Variants in CDH13 observed in about 807,000 individuals in gnomAD.
CDH13 encodes cadherin-13.
A neutral mutation model predicts 63.8 loss-of-function variants in CDH13; 24 were observed. The ratio of observed to expected loss-of-function variants is 0.38; its 90% CI spans 0.27 to 0.53. The LOEUF is 0.53. Among genes scored for constraint, CDH13 ranks in the 20% least tolerant of loss-of-function variants. The pLI is 0.85. For missense variants in CDH13, 1,049 were observed against 903.1 expected, an observed-to-expected ratio of 1.16 and a Z score of -2.07; for synonymous variants, 503 against 355.3, an observed-to-expected ratio of 1.42 and a Z score of -4.67.
Position 83,046,392 on chromosome 16 carries a change from A to G in CDH13, c.366+14174A>G, listed in dbSNP as rs532947405. ...CCAGCAGAAAACCAATTTGGCAAAC[A>G]CTTATTTTTCTTTCTCTATCACACA... On this transcript the variant is annotated intron_variant, in intron 3 of 13. Coordinates refer to ENST00000567109, the MANE Select transcript of CDH13 (RefSeq NM_001257.5). Among the ~76,000 whole-genome samples the G allele has an allele frequency of 1.2e-4, 19 of 152,334 alleles. No individual in the cohort carries two copies. In the South Asian group the frequency reaches 3.5e-3, roughly 28 times the overall value.
intron 5 of CDH13, among the ~76,000 whole-genome samples, chr16:83,222,529 T>C (rs1355108639): frequency 1.3e-5 from 2 of 152,198 alleles, no homozygotes; most frequent in Non-Finnish European, 2.9e-5. Context: ...TATAAAAACG[T>C]TCATGTTATG....
chr16:82,917,316 G>A (rs1254438671), intron 2 of CDH13, among the ~76,000 whole-genome samples: 2 of 152,154 alleles, frequency 1.3e-5, no homozygotes, highest in Non-Finnish European at 2.9e-5. Context: ...TCAGGAAGGT[G>A]CCCTAGTTTT....
At chr16:83,167,871 TA>T (rs745337483) in intron 4 of CDH13, among the ~76,000 whole-genome samples, 1 of 151,558 alleles carries the variant, frequency 6.6e-6, no homozygotes, top group South Asian at 2.1e-4. Context: ...CATGCAGCCA[TA>T]AAAAAATAAA....
At chr16:82,900,921 C>T (rs934435255) in intron 2 of CDH13, among the ~76,000 whole-genome samples, 1 of 152,184 alleles carries the variant, frequency 6.6e-6, no homozygotes, top group African/African-American at 2.4e-5. Flanking sequence ...AAATCCCAAG[C>T]ACTAAATCCC....
chr16:83,322,385 G>A (rs2090250474), intron 5 of CDH13, among the ~76,000 whole-genome samples: 1 of 152,178 alleles, frequency 6.6e-6, no homozygotes, highest in African/African-American at 2.4e-5. Flanking sequence ...TATTACTGTG[G>A]TCTTATTTCT....
At chr16:83,649,623 A>G (rs765845472) in intron 8 of CDH13, among the ~76,000 whole-genome samples, 1 of 152,156 alleles carries the variant, frequency 6.6e-6, no homozygotes, top group Non-Finnish European at 1.5e-5. Flanking sequence ...ACTGGAGTTC[A>G]CTTTGAGCAG....
At chr16:83,467,607 C>T (rs16960566) in intron 6 of CDH13, among the ~76,000 whole-genome samples, 4,059 of 152,228 alleles carry the variant, frequency 0.027, 186 homozygotes, top group African/African-American at 0.092. Context: ...AAGAAACTGA[C>T]GCTGAAACTT....
intron 6 of CDH13, among the ~76,000 whole-genome samples, chr16:83,421,637 T>G (rs1353794998): frequency 2.0e-5 from 3 of 151,436 alleles, no homozygotes; most frequent in Non-Finnish European, 4.4e-5. Flanking sequence ...CTTCTTATGA[T>G]TTTTAATTAT....
chr16:83,133,081 C>G lies in CDH13; in HGVS notation c.483+7580C>G, dbSNP rs117532900. Reference sequence around the variant, plus strand: ...CACAGCCCAATATGGTACCCACTAACCACATGTGGTCAATGCAGTTATAAA... The same window carrying G: ...CACAGCCCAATATGGTACCCACTAAGCACATGTGGTCAATGCAGTTATAAA... On this transcript the variant is annotated intron_variant, in intron 4 of 13. Coordinates refer to ENST00000567109, the MANE Select transcript of CDH13 (RefSeq NM_001257.5). Among the ~76,000 whole-genome samples the G allele has an allele frequency of 1.6e-4, 24 of 152,342 alleles. No individual in the cohort carries two copies. The South Asian group carries it at 2.1e-3, about 13-fold the overall frequency.
rs538346509 is a variant in CDH13, at chr16:83,366,644, G to C, written c.781+21638G>C. On this transcript the variant is annotated intron_variant, in intron 6 of 13. Transcript: ENST00000567109. ...TGTACAAGCTTTTCGATATTCTCCA[G>C]ATAGTCTCCTGACACCTACACCTAG... Among the ~76,000 whole-genome samples the C allele has an allele frequency of 2.6e-5, 4 of 152,242 alleles. No individual in the cohort carries two copies. In the East Asian group the frequency reaches 7.7e-4, roughly 29 times the overall value.
intron 12 of CDH13, among the ~76,000 whole-genome samples, chr16:83,781,032 AATG>A (rs1167868197): frequency 6.6e-6 from 1 of 152,208 alleles, no homozygotes; most frequent in East Asian, 1.9e-4. Flanking sequence ...GACTTGGTTT[AATG>A]ATGACCTTGG....
chr16:83,558,418 T>C (rs2150683063), intron 7 of CDH13, among the ~76,000 whole-genome samples: 1 of 152,366 alleles, frequency 6.6e-6, no homozygotes, highest in African/African-American at 2.4e-5. Flanking sequence ...TTGTCTGTTA[T>C]GTGCAACAAC....
At chr16:82,747,577 C>T (rs2034233695) in intron 1 of CDH13, among the ~76,000 whole-genome samples, 1 of 149,298 alleles carries the variant, frequency 6.7e-6, no homozygotes, top group Non-Finnish European at 1.5e-5. Context: ...GAATCAGAAA[C>T]TTTGGAGAAT....
At chr16:83,525,054 T>G (rs2151624983) in intron 7 of CDH13, among the ~76,000 whole-genome samples, 1 of 152,324 alleles carries the variant, frequency 6.6e-6, no homozygotes, top group Admixed American at 6.5e-5. Flanking sequence ...GTTATTGGTC[T>G]GATGCACACA....
At chr16:83,433,709 C>A (rs1242101334) in intron 6 of CDH13, among the ~76,000 whole-genome samples, 1 of 152,158 alleles carries the variant, frequency 6.6e-6, no homozygotes. Context: ...ACAAATGTGG[C>A]AAACAGGCTG....
chr16:83,144,661 C>G (rs2036670004), intron 4 of CDH13, among the ~76,000 whole-genome samples: 1 of 152,226 alleles, frequency 6.6e-6, no homozygotes, highest in African/African-American at 2.4e-5. Context: ...TATATTCAGA[C>G]CAGCTATCTC....
At chr16:82,772,760 G>T (rs531426860) in intron 1 of CDH13, among the ~76,000 whole-genome samples, 279 of 152,276 alleles carry the variant, frequency 1.8e-3, no homozygotes, top group Middle Eastern at 3.4e-3. Flanking sequence ...ATTTAGAGAA[G>T]TAAAGTAATA....
In CDH13 at chr16:82,895,108, C is replaced by T. The variant is rs143470549; in HGVS notation, c.157+36635C>T. Among the ~76,000 whole-genome samples, 232 of 152,236 alleles carry T rather than the reference C, an allele frequency of 1.5e-3. 2 individuals carry two copies. The highest frequency in any genetic ancestry group is 5.2e-3 in the African/African-American group (218 of 41,542). ...AGGTGAACAATTCAGTGGCATTTAGCGTATTTGCAGTGCTTTGCAATCACC... is the reference window on the plus strand; with the variant it reads ...AGGTGAACAATTCAGTGGCATTTAGTGTATTTGCAGTGCTTTGCAATCACC... On this transcript the variant is annotated intron_variant, in intron 2 of 13. Transcript: ENST00000567109.
rs895220974 is a variant in CDH13 at position 82,884,192 on chromosome 16, C to G, written c.157+25719C>G. 1.5e-5 allele frequency: 7 copies of G among 455,720 alleles called. No individual in the cohort carries two copies. In the Admixed American group the frequency reaches 1.6e-4, roughly 11 times the overall value. 28.2% of individuals were successfully genotyped at this position (455,720 alleles called of 1,614,324 possible). A position where few individuals can be genotyped will look rare whatever the true frequency, so the allele number is the denominator to read the frequency against. On this transcript the variant is annotated intron_variant, in intron 2 of 13. Coordinates refer to ENST00000567109, the MANE Select transcript of CDH13 (RefSeq NM_001257.5). ...CTTTCCAACATAATACAGATGTATT[C>G]TACTAGCTGACAGACTTTTAAAGTA...
Sources: allele counts gnomAD v4.1 joint callset (sites outside exome capture counted in the v4.1 genomes callset), GRCh38; gene constraint gnomAD v4.1.1; transcripts MANE v1.5; gene names NCBI Gene and HGNC (gene_info 2026-07-23, HGNC 2026-07-21).